Variants in AIG1 observed in about 807,000 individuals in gnomAD.
AIG1 encodes androgen induced 1, also known as androgen-induced gene 1 protein.
Under a neutral mutation model 31.4 loss-of-function variants are expected in AIG1, and 23 were observed. That is an observed-to-expected ratio of 0.73 (90% confidence interval 0.53 to 1.04). AIG1 has a LOEUF of 1.04. AIG1 is among the 50% of genes least tolerant of loss of function. The pLI is 0.00. For synonymous variants in AIG1, 100 were observed against 110.5 expected (o/e 0.90, Z 0.60); for missense variants, 274 against 295.0 (o/e 0.93, Z 0.52).
intron 1 of AIG1, among the ~76,000 whole-genome samples, chr6:143,129,770 A>T (rs1426688688): frequency 1.3e-5 from 2 of 152,036 alleles, no homozygotes; most frequent in Non-Finnish European, 2.9e-5. Flanking sequence ...TATACAAAAA[A>T]TTGTTGAGTA....
intron 3 of AIG1, among the ~76,000 whole-genome samples, chr6:143,194,398 G>A (rs549479535): frequency 4.9e-4 from 75 of 152,252 alleles, no homozygotes; most frequent in African/African-American, 1.5e-3. Flanking sequence ...CCCTCGACAC[G>A]TAGGGGTTAT....
At chr6:143,282,956 G>A (rs530171693) in intron 3 of AIG1, among the ~76,000 whole-genome samples, 19 of 152,284 alleles carry the variant, frequency 1.2e-4, no homozygotes, top group African/African-American at 4.6e-4. Flanking sequence ...GGAAGAGCAA[G>A]GCAACGATTC....
chr6:143,213,780 G>C (rs1334652904), intron 3 of AIG1, among the ~76,000 whole-genome samples: 1 of 152,034 alleles, frequency 6.6e-6, no homozygotes, highest in Non-Finnish European at 1.5e-5. Flanking sequence ...GGCTCCCAAA[G>C]TGCTGGGATT....
Position 143,246,581 on chromosome 6 carries a change from A to G in AIG1, c.400-37529A>G, listed in dbSNP as rs1404543799. 2.0e-5 allele frequency among the ~76,000 whole-genome samples: 3 copies of G among 152,252 alleles called. No homozygotes were observed. In the East Asian group the frequency reaches 5.8e-4, roughly 29 times the overall value. ...ACAGCCAAACCACATCAGGAATTAA[A>G]TGAGACAATCTGCTTGAGCCATTCA... On this transcript the variant is annotated intron_variant, in intron 3 of 5. Transcript: ENST00000357847.
chr6:143,285,124 G>A (rs1797599790), intron 4 of AIG1, among the ~76,000 whole-genome samples: 1 of 151,898 alleles, frequency 6.6e-6, no homozygotes, highest in African/African-American at 2.4e-5. Flanking sequence ...AGAGCTCTTT[G>A]GGAGGCCCTA....
rs994384546 is a variant in AIG1 at position 143,291,813 on chromosome 6, G to A, written c.515+7588G>A. On this transcript the variant is annotated intron_variant, in intron 4 of 5. Transcript: ENST00000357847. The surrounding 1 kb of genome is among the most constrained non-coding windows in gnomAD (Gnocchi z 4.2). ...GGAGAGTGCACAGAGCTCCTAGGGTGAGGGAAGGAGAGCATTAGAGGCCAC... is the reference window on the plus strand; with the variant it reads ...GGAGAGTGCACAGAGCTCCTAGGGTAAGGGAAGGAGAGCATTAGAGGCCAC... Among the ~76,000 whole-genome samples the A allele has an allele frequency of 1.3e-5, 2 of 152,322 alleles. No individual in the cohort carries two copies. The highest frequency in any genetic ancestry group is 4.1e-4 in the South Asian group (2 of 4,830).
chr6:143,289,344 G>T (rs1179212579), intron 4 of AIG1, among the ~76,000 whole-genome samples: 1 of 152,146 alleles, frequency 6.6e-6, no homozygotes, highest in Non-Finnish European at 1.5e-5. Flanking sequence ...CAAAGAGTTT[G>T]TTTTGTCAGT....
chr6:143,201,094 A>G (rs2128606600), intron 3 of AIG1, among the ~76,000 whole-genome samples: 1 of 152,294 alleles, frequency 6.6e-6, no homozygotes, highest in South Asian at 2.1e-4. Context: ...CAGAGAGTCC[A>G]TGGGACAATT....
intron 4 of AIG1, among the ~76,000 whole-genome samples, chr6:143,318,957 A>T (rs1775982369): frequency 1.3e-5 from 2 of 152,160 alleles, no homozygotes; most frequent in African/African-American, 4.8e-5. Context: ...AATGGCCTTA[A>T]TCAAAAAATA....
At chr6:143,201,033 C>T (rs1790655596) in intron 3 of AIG1, among the ~76,000 whole-genome samples, 1 of 152,126 alleles carries the variant, frequency 6.6e-6, no homozygotes, top group South Asian at 2.1e-4. Flanking sequence ...AAATATCAGT[C>T]ATCGCCATCT....
chr6:143,221,787 C>T (rs1268677615), intron 3 of AIG1, among the ~76,000 whole-genome samples: 1 of 152,120 alleles, frequency 6.6e-6, no homozygotes, highest in Non-Finnish European at 1.5e-5. Flanking sequence ...ACAGCAGTGC[C>T]TCGGAGAGAC....
chr6:143,068,363 C>T (rs934690844), intron 1 of AIG1, among the ~76,000 whole-genome samples: 1 of 152,212 alleles, frequency 6.6e-6, no homozygotes, highest in Non-Finnish European at 1.5e-5. Context: ...CAACATAGCT[C>T]TCTTGTGCAG....
chr6:143,232,937 A>G (rs536156488), intron 3 of AIG1, among the ~76,000 whole-genome samples: 2 of 152,330 alleles, frequency 1.3e-5, no homozygotes, highest in South Asian at 2.1e-4. Context: ...CACACTGGCC[A>G]TGCCTCCTGT....
intron 4 of AIG1, among the ~76,000 whole-genome samples, chr6:143,332,108 G>T (rs1212130015): frequency 6.6e-6 from 1 of 152,032 alleles, no homozygotes; most frequent in Non-Finnish European, 1.5e-5. Context: ...CTGACCTCAG[G>T]TGACCCACCC....
chr6:143,131,275 A>C (rs1227729466), intron 1 of AIG1, among the ~76,000 whole-genome samples: 1 of 152,070 alleles, frequency 6.6e-6, no homozygotes, highest in Admixed American at 6.6e-5. Context: ...TAATATTGCT[A>C]ATATTTCATT....
At chr6:143,103,252 G>A (rs1780468848) in intron 1 of AIG1, among the ~76,000 whole-genome samples, 1 of 152,178 alleles carries the variant, frequency 6.6e-6, no homozygotes. Flanking sequence ...TATAGTGAAA[G>A]AGGCATGTAC....
At chr6:143,305,746 T>C (rs1485795443) in intron 4 of AIG1, among the ~76,000 whole-genome samples, 2 of 152,130 alleles carry the variant, frequency 1.3e-5, no homozygotes, top group Non-Finnish European at 2.9e-5. Context: ...TAGGTCCACT[T>C]GGTGCAGAGC....
intron 3 of AIG1, among the ~76,000 whole-genome samples, chr6:143,220,991 A>ATTGTTG (rs200697142): frequency 9.2e-5 from 14 of 151,810 alleles, no homozygotes; most frequent in Admixed American, 3.3e-4. Context: ...ACTAGTTTTT[A>ATTGTTG]TTGTTGTTGT....
intron 3 of AIG1, among the ~76,000 whole-genome samples, chr6:143,271,534 A>T (rs760229435): frequency 3.9e-5 from 6 of 152,214 alleles, no homozygotes; most frequent in Non-Finnish European, 8.8e-5. Context: ...ATTTATTTTC[A>T]TCATAAACAA....
Sources: allele counts gnomAD v4.1 joint callset (sites outside exome capture counted in the v4.1 genomes callset), GRCh38; gene constraint gnomAD v4.1.1; non-coding constraint Gnocchi (gnomAD v3.1); transcripts MANE v1.5; gene names NCBI Gene and HGNC (gene_info 2026-07-23, HGNC 2026-07-21).